DESI1: variants seen among roughly 807,000 people sequenced by gnomAD.
The protein encoded by DESI1 is PPPDE peptidase domain containing 2.
A neutral mutation model predicts 22.4 loss-of-function variants in DESI1; 17 were observed. The observed-to-expected ratio is 0.76, with a 90% CI of 0.52 to 1.14. DESI1 has a LOEUF of 1.14. DESI1 is among the 50% of genes most tolerant of loss of function. The pLI is 0.00. For missense variants in DESI1, 177 were observed against 208.9 expected (o/e 0.85, Z 0.94); for synonymous variants, 92 against 84.2 (o/e 1.09, Z -0.51).
rs1341695038 is a variant in DESI1 at position 41,607,338 on chromosome 22, C to T, written c.111-7G>A. The stretch of plus-strand genomic sequence containing the variant: ...CACAACTATGGATGTGTGCCTGTCA[C>T]ACAGAGAGAGACACAGTAAGCCAGA... On this transcript the variant is annotated splice_polypyrimidine_tract_variant and splice_region_variant and intron_variant, in intron 2 of 5. Coordinates refer to ENST00000263256, the MANE Select transcript of DESI1 (RefSeq NM_015704.3). The T allele has an allele frequency of 1.9e-6, 3 of 1,606,844 alleles. No individual in the cohort carries two copies. The Admixed American group carries it at 5.1e-5, about 28-fold the overall frequency.
chr22:41,607,969 CTT>C (rs1056142490), intron 1 of DESI1, 108 bp from the exon 2 acceptor site: 2 of 1,224,486 alleles, frequency 1.6e-6, no homozygotes, highest in African/African-American at 1.5e-5. Flanking sequence ...TCATAAACCT[CTT>C]GAGGGACTTT....
chr22:41,607,785 T>C (rs1252171673), intron 2 of DESI1, 55 bp downstream of exon 2: 6 of 1,603,400 alleles, frequency 3.7e-6, no homozygotes, highest in East Asian at 2.2e-5. Context: ...CTGAAATGCA[T>C]AGAGTGCTGC....
chr22:41,607,312 G>C lies in DESI1; in HGVS notation c.130C>G (p.His44Asp). 1 of 1,612,688 alleles carries C rather than the reference G, an allele frequency of 6.2e-7. No individual in the cohort carries two copies. The highest frequency in any genetic ancestry group is 8.5e-7 in the Non-Finnish European group (1 of 1,179,392). ...EGIWHTSIVV[H>D]KDEFFFGSGG... ...CTGCCGAAGAAGAACTCATCCTTGT[G>C]CACAACTATGGATGTGTGCCTGTCA... The change falls in exon 3 of 6, where the codon CAC (histidine) becomes GAC (aspartate). Residue 44 changes from histidine to aspartate, a missense_variant. Physicochemically the swap from His to Asp is moderately conservative, Grantham distance 81. Transcript: ENST00000263256.
intron 5 of DESI1, 156 bp downstream of exon 5, chr22:41,603,103 G>A (rs1344523492): frequency 2.9e-5 from 33 of 1,119,466 alleles, no homozygotes; most frequent in Admixed American, 4.5e-5. Flanking sequence ...GCGCATCAGT[G>A]GGTGGAGAGA....
intron 1 of DESI1, among the ~76,000 whole-genome samples, chr22:41,617,189 G>A (rs2067556048): frequency 6.6e-6 from 1 of 152,146 alleles, no homozygotes; most frequent in Non-Finnish European, 1.5e-5. Flanking sequence ...CAGAGAACGC[G>A]AGCTCTGGAA....
At chr22:41,619,424 C>T (rs554088989) in intron 1 of DESI1, among the ~76,000 whole-genome samples, 1 of 152,318 alleles carries the variant, frequency 6.6e-6, no homozygotes, top group South Asian at 2.1e-4. Context: ...CCCCTGTTCC[C>T]CTGGCATCAA....
intron 1 of DESI1, among the ~76,000 whole-genome samples, chr22:41,612,280 G>A (rs957431299): frequency 1.3e-5 from 2 of 152,014 alleles, no homozygotes; most frequent in East Asian, 1.9e-4. Context: ...AGGCAGAGGC[G>A]GGCGGATCAC....
Position 41,620,848 on chromosome 22 carries a change from G to A in DESI1, c.-9C>T. 2.5e-6 allele frequency: 4 copies of A among 1,603,014 alleles called. No homozygotes were observed. The highest frequency in any genetic ancestry group is 3.4e-6 in the Non-Finnish European group (4 of 1,175,250). On this transcript the variant is annotated 5_prime_UTR_variant, in exon 1 of 6. It adds an upstream start codon to the 5' untranslated region. Transcript: ENST00000263256. ...AGATTCGGCGGCTCCATTGGGACCC[G>A]TGGCGACGGCGGCCACGACGGCCCT...
intron 1 of DESI1, among the ~76,000 whole-genome samples, chr22:41,612,438 G>A (rs1340481102): frequency 6.6e-6 from 1 of 151,616 alleles, no homozygotes; most frequent in Non-Finnish European, 1.5e-5. Context: ...GAACCCGGGA[G>A]GTGTTGCAGT....
At chr22:41,602,892 C>T in intron 5 of DESI1, 1 of 811,992 alleles carries the variant, frequency 1.2e-6, no homozygotes, top group Non-Finnish European at 1.6e-6. Context: ...TACTATTTTT[C>T]TGACCCCCTC....
chr22:41,606,016 C>T (rs1052494807), intron 3 of DESI1, among the ~76,000 whole-genome samples: 1 of 152,044 alleles, frequency 6.6e-6, no homozygotes, highest in Non-Finnish European at 1.5e-5. Flanking sequence ...TGGGAGGGAA[C>T]AACCTAAAAG....
intron 1 of DESI1, among the ~76,000 whole-genome samples, chr22:41,615,272 TAAAAAAAA>T (rs58574960): frequency 1.8e-5 from 2 of 108,522 alleles, no homozygotes; most frequent in African/African-American, 7.2e-5. Flanking sequence ...TACTAAAAAT[TAAAAAAAA>T]AAAAAAAAAA....
In DESI1 at chr22:41,603,253, A is replaced by G; in HGVS notation, c.413+6T>C. The G allele has an allele frequency of 6.8e-6, 11 of 1,614,152 alleles. No individual in the cohort carries two copies. The highest frequency in any genetic ancestry group is 8.5e-6 in the Non-Finnish European group (10 of 1,179,990). On this transcript the variant is annotated splice_donor_region_variant and intron_variant, in intron 5 of 5. Coordinates refer to ENST00000263256, the MANE Select transcript of DESI1 (RefSeq NM_015704.3). Reference sequence around the variant, plus strand: ...AGGCAGGGGCAGGGACAGAGGCCACACTTACGTGGAGAGAACTTCAGAGGG... The same window carrying G: ...AGGCAGGGGCAGGGACAGAGGCCACGCTTACGTGGAGAGAACTTCAGAGGG...
At chr22:41,607,690 A>C in intron 2 of DESI1, 150 bp downstream of exon 2, 1 of 935,370 alleles carries the variant, frequency 1.1e-6, no homozygotes, top group Non-Finnish European at 1.7e-6. Context: ...AGAGAGCAAA[A>C]GAACTGATGA....
chr22:41,605,889 C>T (rs1403234893), intron 3 of DESI1, among the ~76,000 whole-genome samples: 1 of 152,146 alleles, frequency 6.6e-6, no homozygotes, highest in African/African-American at 2.4e-5. Context: ...AGTGACACAA[C>T]TCAAATCTGA....
chr22:41,620,986 G>A lies in DESI1; in HGVS notation c.-147C>T, dbSNP rs1345266321. 2.5e-6 allele frequency: 2 copies of A among 795,908 alleles called. No homozygotes were observed. The highest frequency in any genetic ancestry group is 3.9e-6 in the Non-Finnish European group (2 of 509,366). 49.3% of individuals were successfully genotyped at this position (795,908 alleles called of 1,614,324 possible). A position where few individuals can be genotyped will look rare whatever the true frequency, so the allele number is the denominator to read the frequency against. On this transcript the variant is annotated 5_prime_UTR_variant, in exon 1 of 6. Coordinates refer to ENST00000263256, the MANE Select transcript of DESI1 (RefSeq NM_015704.3). ...TGAGGGGTGGGGGAGAGGCCGCCCTGCGCTGCTCGCGCCCCCACACCCGCT... is the reference window on the plus strand; with the variant it reads ...TGAGGGGTGGGGGAGAGGCCGCCCTACGCTGCTCGCGCCCCCACACCCGCT...
At chr22:41,601,217 G>T in intron 5 of DESI1, 27 bp from the exon 6 acceptor site, 1 of 1,586,488 alleles carries the variant, frequency 6.3e-7, no homozygotes, top group Non-Finnish European at 8.6e-7. Context: ...ACATGAGAGG[G>T]GTGGGCTCTG....
rs2067449148 is a variant in DESI1, at chr22:41,601,379, GGAGGGC to G, written c.414-195_414-190del. 2.0e-5 allele frequency among the ~76,000 whole-genome samples: 3 copies of G among 152,230 alleles called. No individual in the cohort carries two copies. The South Asian group carries it at 6.2e-4, about 32-fold the overall frequency. ...ACCTGCCTCACACACCAGTGTTCTT[GGAGGGC>G]ATCTCCGAAATAGCCTGCTCTGTAT... On this transcript the variant is annotated intron_variant, in intron 5 of 5. Coordinates refer to ENST00000263256, the MANE Select transcript of DESI1 (RefSeq NM_015704.3).
Position 41,598,959 on chromosome 22 carries a change from A to C in DESI1, c.*2138T>G, listed in dbSNP as rs948318229. The C allele has an allele frequency of 1.3e-5, 2 of 152,222 alleles. No homozygotes were observed. Among genetic ancestry groups the C allele is most frequent in the African/African-American group, 4.8e-5 (2 of 41,440 alleles). 9.4% of individuals were successfully genotyped at this position (152,222 alleles called of 1,614,324 possible). ...GGGTCTTGAGAAGAATTAAACTTTC[A>C]ATCATTTGGCCTCTACAAGTTCCCA... On this transcript the variant is annotated 3_prime_UTR_variant, in exon 6 of 6. Coordinates refer to ENST00000263256, the MANE Select transcript of DESI1 (RefSeq NM_015704.3).
Sources: allele counts gnomAD v4.1 joint callset (sites outside exome capture counted in the v4.1 genomes callset), GRCh38; gene constraint gnomAD v4.1.1; transcripts MANE v1.5; gene names NCBI Gene and HGNC (gene_info 2026-07-23, HGNC 2026-07-21).